The following KDM4B variants were observed in gnomAD, a reference collection of about 807,000 sequenced individuals.
KDM4B encodes lysine-specific demethylase 4B.
Under a neutral mutation model 125.2 loss-of-function variants are expected in KDM4B, and 32 were observed. That is an observed-to-expected ratio of 0.26 (90% CI 0.19 to 0.34). The LOEUF (loss-of-function observed/expected upper bound fraction) is 0.34, where lower values mean the gene tolerates loss of function less well. KDM4B is among the 10% of genes least tolerant of loss of function. The pLI, the probability that KDM4B is intolerant of heterozygous loss-of-function variation, is 1.00. For synonymous variants in KDM4B, 721 were observed against 677.9 expected (o/e 1.06, Z -0.99); for missense variants, 1,190 against 1,577.7 (o/e 0.75, Z 4.16).
At chr19:5,124,237 G>A (rs2620849) in intron 11 of KDM4B, among the ~76,000 whole-genome samples, 48,054 of 144,542 alleles carry the variant, frequency 0.33, 7,936 homozygotes, top group East Asian at 0.65. Flanking sequence ...CTGGGACACC[G>A]CCTTGATGGA....
chr19:5,008,642 G>A (rs1473550443), intron 1 of KDM4B, among the ~76,000 whole-genome samples: 1 of 147,866 alleles, frequency 6.8e-6, no homozygotes, highest in African/African-American at 2.5e-5. Context: ...CCAGACTGGA[G>A]TGCAGTGCCA....
At chr19:4,990,181 T>C (rs2034987654) in intron 1 of KDM4B, among the ~76,000 whole-genome samples, 1 of 152,072 alleles carries the variant, frequency 6.6e-6, no homozygotes, top group Non-Finnish European at 1.5e-5. Flanking sequence ...TCCCAGCTAC[T>C]TGGGAGGCTG....
At position 5,042,317 on chromosome 19, in the gene KDM4B, A is replaced by G. The variant is rs10418478; in HGVS notation, c.432+1066A>G. Among the ~76,000 whole-genome samples the G allele has an allele frequency of 9.2e-3, 1,400 of 152,196 alleles. 30 individuals carry two copies. The highest frequency in any genetic ancestry group is 0.032 in the African/African-American group (1,312 of 41,506). ...GGAGTTCAAGACCAGCTTGGCCAAC[A>G]TGGCAAAACCTGTCTCTACTAAAAA... is the stretch of plus-strand genomic sequence containing the variant. On this transcript the variant is annotated intron_variant, in intron 5 of 22. Coordinates refer to ENST00000159111, the MANE Select transcript of KDM4B (RefSeq NM_015015.3).
At position 4,997,531 on chromosome 19, in the gene KDM4B, T is replaced by C. The variant is rs1236940996; in HGVS notation, c.-108-18726T>C. ...TCAGGTCTGCAGCTGCCTCCTTGGC[T>C]CCCCGGTTGTTAGCTGTGTGATCTA... On this transcript the variant is annotated intron_variant, in intron 1 of 22. Transcript: ENST00000159111. This position sits in a 1 kb window ranked among gnomAD's most constrained non-coding sequence, Gnocchi z 4.2. Among the ~76,000 whole-genome samples the C allele has an allele frequency of 6.6e-6, 1 of 152,100 alleles. No homozygotes were observed. Among genetic ancestry groups the C allele is most frequent in the East Asian group, 1.9e-4 (1 of 5,186 alleles).
In KDM4B at chr19:4,996,782, A is replaced by G. The variant is rs551406156; in HGVS notation, c.-108-19475A>G. On this transcript the variant is annotated intron_variant, in intron 1 of 22. Transcript: ENST00000159111. ...GCCTTTGCCTGCTTGTTGATTTGGT[A>G]TGTTTTTTTTCTTGACTTAAAAACA... is the stretch of plus-strand genomic sequence containing the variant. Among the ~76,000 whole-genome samples the G allele has an allele frequency of 9.7e-4, 147 of 151,978 alleles. 1 individual carries two copies. Among genetic ancestry groups the G allele is most frequent in the Admixed American group, 2.9e-3 (45 of 15,284 alleles).
chr19:5,127,126 G>A (rs2039463189), intron 11 of KDM4B, among the ~76,000 whole-genome samples: 1 of 152,192 alleles, frequency 6.6e-6, no homozygotes, highest in Admixed American at 6.5e-5. Flanking sequence ...AGTGCTAGCA[G>A]GGCCTCAGCT....
At chr19:5,110,913 G>T in intron 10 of KDM4B, 95 bp downstream of exon 10, 1 of 1,004,348 alleles carries the variant, frequency 1.0e-6, no homozygotes, top group Non-Finnish European at 1.4e-6. Flanking sequence ...AGGGGCTCCG[G>T]GCCGTGTCCC....
At chr19:5,147,076 A>G (rs2039865167) in intron 21 of KDM4B, among the ~76,000 whole-genome samples, 1 of 151,728 alleles carries the variant, frequency 6.6e-6, no homozygotes, top group Admixed American at 6.6e-5. Context: ...AGTCTGGCCC[A>G]GGCAGGTCGG....
intron 6 of KDM4B, among the ~76,000 whole-genome samples, chr19:5,060,533 G>A (rs73919720): frequency 0.096 from 14,268 of 148,390 alleles, 873 homozygotes; most frequent in Admixed American, 0.15. Flanking sequence ...GGAGACTGTC[G>A]TTGTTCTCTC....
chr19:5,033,318 G>C lies in KDM4B; in HGVS notation c.141+287G>C, dbSNP rs974370063. Among the ~76,000 whole-genome samples the C allele has an allele frequency of 2.6e-5, 4 of 152,364 alleles. No homozygotes were observed. The South Asian group carries it at 6.2e-4, about 24-fold the overall frequency. ...AGCCACACTGCAGTGAAGCCCAGGG[G>C]CAGTGGGCCACCAGGTTGTTCTGGC... On this transcript the variant is annotated intron_variant, in intron 3 of 22. Transcript: ENST00000159111.
chr19:5,046,270 AC>A (rs1374069285), intron 5 of KDM4B, among the ~76,000 whole-genome samples: 1 of 152,172 alleles, frequency 6.6e-6, no homozygotes, highest in African/African-American at 2.4e-5. Context: ...GCACTAGCCT[AC>A]TTTTACAGCG....
At chr19:5,037,380 C>G (rs535564205) in intron 3 of KDM4B, among the ~76,000 whole-genome samples, 91 of 152,308 alleles carry the variant, frequency 6.0e-4, no homozygotes, top group African/African-American at 2.0e-3. Context: ...TTCTGTTTCT[C>G]GCCTTTCCAC....
chr19:5,055,083 G>C (rs1013513838), intron 6 of KDM4B, among the ~76,000 whole-genome samples: 2 of 152,256 alleles, frequency 1.3e-5, no homozygotes, highest in Non-Finnish European at 2.9e-5. Flanking sequence ...CAGCTTCTCC[G>C]GCTGGCCTGA....
At chr19:5,093,459 G>A (rs2038752954) in intron 9 of KDM4B, among the ~76,000 whole-genome samples, 1 of 152,142 alleles carries the variant, frequency 6.6e-6, no homozygotes, top group East Asian at 1.9e-4. Context: ...CCTGGGAGCC[G>A]GCGCCTAATT....
rs2035225260 is a variant in KDM4B, at chr19:4,997,077, GCAC to G, written c.-108-19175_-108-19173del. Among the ~76,000 whole-genome samples the G allele has an allele frequency of 6.6e-6, 1 of 152,172 alleles. No homozygotes were observed. The highest frequency in any genetic ancestry group is 1.5e-5 in the Non-Finnish European group (1 of 68,018). Reference sequence around the variant, plus strand: ...CCTGGCCTCCACCCCCTCCACGCCAGCACCACCCTCAGTCGTGACAGCCATAAA... The same window carrying G: ...CCTGGCCTCCACCCCCTCCACGCCAGCACCCTCAGTCGTGACAGCCATAAA... On this transcript the variant is annotated intron_variant, in intron 1 of 22. Coordinates refer to ENST00000159111, the MANE Select transcript of KDM4B (RefSeq NM_015015.3). The surrounding 1 kb of genome is among the most constrained non-coding windows in gnomAD (Gnocchi z 4.2).
intron 6 of KDM4B, among the ~76,000 whole-genome samples, chr19:5,068,792 C>T (rs1032477048): frequency 5.3e-5 from 8 of 152,226 alleles, no homozygotes; most frequent in Non-Finnish European, 5.9e-5. Context: ...GCCTGCGTCC[C>T]GCAGTCTGTG....
At chr19:4,998,355 A>AT (rs994291926) in intron 1 of KDM4B, among the ~76,000 whole-genome samples, 1 of 152,160 alleles carries the variant, frequency 6.6e-6, no homozygotes, top group Admixed American at 6.5e-5. Flanking sequence ...TTTTAATAAA[A>AT]TTTTTTTGGA....
At chr19:5,067,500 A>G (rs1047677618) in intron 6 of KDM4B, among the ~76,000 whole-genome samples, 4 of 152,146 alleles carry the variant, frequency 2.6e-5, no homozygotes, top group African/African-American at 9.7e-5. Context: ...GACACGTACA[A>G]TGACCTGGCC....
At position 5,144,318 on chromosome 19, in the gene KDM4B, G is replaced by A. The variant is rs770428179; in HGVS notation, c.2807G>A (p.Arg936His). ...ITKNRNGLYY[R>H]CRVIGAASQT... is the part of the protein sequence containing the mutation. ...AAGAACCGCAACGGGCTGTACTACC[G>A]CTGTCGCGTCATCGGTGCCGCCTCG... The change falls in exon 20 of 23, where the codon CGC becomes CAC. Residue 936 changes from arginine (R) to histidine (H), a missense_variant. By Grantham distance (29) the Arg-to-His change is conservative (BLOSUM62 0). Transcript: ENST00000159111. The A allele has an allele frequency of 1.2e-5, 19 of 1,585,496 alleles. No individual in the cohort carries two copies. Among genetic ancestry groups the A allele is most frequent in the East Asian group, 2.3e-5 (1 of 43,428 alleles).
Sources: allele counts gnomAD v4.1 joint callset (sites outside exome capture counted in the v4.1 genomes callset), GRCh38; gene constraint gnomAD v4.1.1; non-coding constraint Gnocchi (gnomAD v3.1); transcripts MANE v1.5; gene names NCBI Gene and HGNC (gene_info 2026-07-23, HGNC 2026-07-21).